RUNDC3B: variants seen among roughly 807,000 people sequenced by gnomAD.
RUNDC3B encodes RUN domain containing 3B.
Under a neutral mutation model 58.4 loss-of-function variants are expected in RUNDC3B, and 33 were observed. The observed-to-expected ratio is 0.56, with a 90% CI of 0.43 to 0.75. The LOEUF (loss-of-function observed/expected upper bound fraction) is 0.75. Ranked by LOEUF, RUNDC3B falls within the 30% of genes least tolerant of loss-of-function variation. The probability of loss-of-function intolerance (pLI) is 0.00; values close to 1 mark genes in which losing one functional copy is unlikely to be tolerated. For missense variants in RUNDC3B, 501 were observed against 535.7 expected (o/e 0.94, Z 0.64); for synonymous variants, 193 against 195.2 (o/e 0.99, Z 0.10).
intron 3 of RUNDC3B, among the ~76,000 whole-genome samples, chr7:87,704,140 C>T (rs1256858704): frequency 6.6e-6 from 1 of 151,716 alleles, no homozygotes; most frequent in Admixed American, 6.6e-5. Flanking sequence ...AGGCTGGTCT[C>T]GAACTCCTGA....
chr7:87,797,306 G>A (rs1270769558), intron 8 of RUNDC3B, among the ~76,000 whole-genome samples: 1 of 152,156 alleles, frequency 6.6e-6, no homozygotes. Context: ...ATGGGTTTCT[G>A]GGTGTTTCTG....
chr7:87,775,024 C>T (rs1347959009), intron 7 of RUNDC3B, among the ~76,000 whole-genome samples: 1 of 152,190 alleles, frequency 6.6e-6, no homozygotes, highest in African/African-American at 2.4e-5. Flanking sequence ...ATTTACTATA[C>T]AGTACTTTTT....
rs182434349 is a variant in RUNDC3B at position 87,707,070 on chromosome 7, C to T, written c.373-3500C>T. On this transcript the variant is annotated intron_variant, in intron 3 of 10. Coordinates refer to ENST00000394654, the MANE Select transcript of RUNDC3B (RefSeq NM_001134405.2). ...TACAAAAAAAGGCCTAAAAGTAGTC[C>T]CCTAAATTGTGAGGTGATTTTCTAG... Among the ~76,000 whole-genome samples the T allele has an allele frequency of 2.6e-5, 4 of 152,116 alleles. No individual in the cohort carries two copies. In the East Asian group the frequency reaches 7.7e-4, roughly 29 times the overall value.
intron 8 of RUNDC3B, among the ~76,000 whole-genome samples, chr7:87,780,161 T>G (rs1834849647): frequency 1.3e-5 from 2 of 152,230 alleles, no homozygotes; most frequent in African/African-American, 4.8e-5. Context: ...ATGGTATTGC[T>G]GGGTTGAATG....
chr7:87,734,636 T>C (rs999788427), intron 4 of RUNDC3B, among the ~76,000 whole-genome samples: 5 of 152,190 alleles, frequency 3.3e-5, no homozygotes, highest in Admixed American at 3.3e-4. Context: ...AAAGCACTTC[T>C]TCACACTGTC....
chr7:87,747,466 C>A (rs910527997), intron 6 of RUNDC3B, among the ~76,000 whole-genome samples: 2 of 152,098 alleles, frequency 1.3e-5, no homozygotes, highest in Non-Finnish European at 1.5e-5. Context: ...TGGCCTCTTG[C>A]CAGGAGGTGG....
chr7:87,749,015 GA>G (rs1433100205), intron 6 of RUNDC3B, among the ~76,000 whole-genome samples: 1 of 152,180 alleles, frequency 6.6e-6, no homozygotes, highest in Admixed American at 6.5e-5. Context: ...TGAGAAAACT[GA>G]AATGCGGAGA....
chr7:87,791,787 C>T (rs1835533647), intron 8 of RUNDC3B, among the ~76,000 whole-genome samples: 1 of 151,822 alleles, frequency 6.6e-6, no homozygotes, highest in African/African-American at 2.4e-5. Context: ...AAAAGGAATA[C>T]AGGAATGATG....
chr7:87,759,632 A>G (rs929142605), intron 6 of RUNDC3B, among the ~76,000 whole-genome samples: 2 of 152,004 alleles, frequency 1.3e-5, no homozygotes, highest in African/African-American at 4.8e-5. Flanking sequence ...CTCTGTGACT[A>G]CAAAAAAAAT....
rs1195452965 is a variant in RUNDC3B at position 87,739,863 on chromosome 7, C to T, written c.531C>T (p.Leu177=). 1.3e-6 allele frequency: 2 copies of T among 1,564,104 alleles called. No individual in the cohort carries two copies. The highest frequency in any genetic ancestry group is 1.8e-6 in the Non-Finnish European group (2 of 1,142,260). ...TGCTTGCTGGCATGCTTCTAGGACT[C>T]AATGCTATTGATTTCAGGTACTTAA... ...ANMLAGMLLG[L]NAIDFSFCLK... Residue 177 remains leucine (L), a synonymous_variant, in exon 5 of 11, where the codon CTC becomes CTT. Coordinates refer to ENST00000394654, the MANE Select transcript of RUNDC3B (RefSeq NM_001134405.2).
chr7:87,755,266 C>G (rs1833302392), intron 6 of RUNDC3B, among the ~76,000 whole-genome samples: 1 of 152,090 alleles, frequency 6.6e-6, no homozygotes, highest in Admixed American at 6.5e-5. Context: ...TGTGATCCAC[C>G]TACCTTGGCC....
chr7:87,645,007 T>C (rs986175279), intron 1 of RUNDC3B, among the ~76,000 whole-genome samples: 1 of 151,940 alleles, frequency 6.6e-6, no homozygotes, highest in Admixed American at 6.6e-5. Context: ...TTTCTCTTGC[T>C]ATGATGACAA....
chr7:87,726,409 C>T (rs563458121), intron 4 of RUNDC3B, among the ~76,000 whole-genome samples: 17 of 152,078 alleles, frequency 1.1e-4, no homozygotes, highest in East Asian at 3.9e-4. Flanking sequence ...TGTAGATATG[C>T]GGCATTATTT....
intron 1 of RUNDC3B, among the ~76,000 whole-genome samples, chr7:87,633,636 G>A (rs1214172108): frequency 6.6e-6 from 1 of 151,858 alleles, no homozygotes; most frequent in African/African-American, 2.4e-5. Flanking sequence ...TGTGACCTGG[G>A]AAAGTATATA....
intron 1 of RUNDC3B, among the ~76,000 whole-genome samples, chr7:87,645,635 TATTA>T (rs1358326267): frequency 1.3e-5 from 2 of 152,216 alleles, no homozygotes; most frequent in African/African-American, 4.8e-5. Flanking sequence ...AGATGACTAA[TATTA>T]ATGTCATCAT....
At chr7:87,700,117 G>C (rs1455986084) in intron 2 of RUNDC3B, among the ~76,000 whole-genome samples, 1 of 151,986 alleles carries the variant, frequency 6.6e-6, no homozygotes, top group South Asian at 2.1e-4. Context: ...GACTGTATTA[G>C]ACAAATAGGA....
At chr7:87,630,785 CT>C (rs1248000575) in intron 1 of RUNDC3B, among the ~76,000 whole-genome samples, 2 of 150,882 alleles carry the variant, frequency 1.3e-5, no homozygotes, top group African/African-American at 4.9e-5. Flanking sequence ...GTTCCTTTTG[CT>C]TCTCCATTTT....
At chr7:87,680,336 T>G (rs1225630261) in intron 2 of RUNDC3B, among the ~76,000 whole-genome samples, 3 of 150,686 alleles carry the variant, frequency 2.0e-5, no homozygotes, top group Non-Finnish European at 4.4e-5. Flanking sequence ...AAAGAGGGAT[T>G]CTCGAGGAAA....
rs192383429 is a variant in RUNDC3B, at chr7:87,739,694, A to G, written c.459-97A>G. The G allele has an allele frequency of 6.1e-5, 28 of 462,644 alleles. No homozygotes were observed. The East Asian group carries it at 9.1e-4, about 15-fold the overall frequency. 28.7% of individuals were successfully genotyped at this position (462,644 alleles called of 1,614,324 possible). On this transcript the variant is annotated intron_variant, in intron 4 of 10. Transcript: ENST00000394654. ...TAAAAATACAAATTAAATAAAATTT[A>G]GCTCTTCCTACAATAGTTTGGGCTC...
Sources: gnomAD v4.1 joint callset for allele counts (sites outside exome capture counted in the v4.1 genomes callset) on GRCh38, gnomAD v4.1.1 for gene constraint, MANE v1.5 for transcripts, NCBI Gene and HGNC (gene_info 2026-07-23, HGNC 2026-07-21) for gene names.